Variants in IRAG1 observed in about 807,000 individuals in gnomAD.
The protein encoded by IRAG1 is inositol 1,4,5-triphosphate receptor associated 1, also known as IP3R-associated cGMP kinase substrate.
IRAG1 carries 62 observed loss-of-function variants against 106.2 expected under a neutral mutation model. The ratio of observed to expected loss-of-function variants is 0.58; its 90% CI spans 0.48 to 0.72. The LOEUF (loss-of-function observed/expected upper bound fraction) is 0.72. Among genes scored for constraint, IRAG1 ranks in the 30% least tolerant of loss-of-function variants. IRAG1 has a pLI of 0.00. For missense variants in IRAG1, 1,064 were observed against 1,140.7 expected (o/e 0.93, Z 0.97); for synonymous variants, 462 against 443.9 (o/e 1.04, Z -0.51).
intron 1 of IRAG1, among the ~76,000 whole-genome samples, chr11:10,676,058 C>A (rs1211438424): frequency 6.6e-6 from 1 of 152,244 alleles, no homozygotes; most frequent in Non-Finnish European, 1.5e-5. Context: ...GTTTGGGAAT[C>A]TCTCTGCCTA....
chr11:10,600,892 G>GAT, intron 15 of IRAG1, 26 bp downstream of exon 15: 1 of 1,613,506 alleles, frequency 6.2e-7, no homozygotes, highest in East Asian at 2.2e-5. Flanking sequence ...GTAGGGCCAA[G>GAT]ATGGGGCAGG....
intron 2 of IRAG1, among the ~76,000 whole-genome samples, chr11:10,634,991 T>C (rs568186543): frequency 6.6e-6 from 1 of 152,282 alleles, no homozygotes; most frequent in African/African-American, 2.4e-5. Context: ...CCACTATTCA[T>C]GCACTAAGAT....
At chr11:10,668,205 G>A (rs1247944766) in intron 1 of IRAG1, among the ~76,000 whole-genome samples, 1 of 152,082 alleles carries the variant, frequency 6.6e-6, no homozygotes, top group Non-Finnish European at 1.5e-5. Context: ...ATTTTAAATT[G>A]TTTAGTTGGA....
intron 15 of IRAG1, among the ~76,000 whole-genome samples, chr11:10,596,623 T>C (rs771379078): frequency 6.6e-6 from 1 of 152,240 alleles, no homozygotes; most frequent in African/African-American, 2.4e-5. Flanking sequence ...GCCTAATAAA[T>C]GTATTTGGGA....
chr11:10,671,645 G>A (rs943656861), intron 1 of IRAG1, among the ~76,000 whole-genome samples: 4 of 152,130 alleles, frequency 2.6e-5, no homozygotes, highest in African/African-American at 9.7e-5. Context: ...CCAGGAGGTG[G>A]AGGTTTCAGT....
At position 10,604,438 on chromosome 11, in the gene IRAG1, C is replaced by T. The variant is rs572487802; in HGVS notation, c.1710G>A (p.Glu570=). 13 of 1,614,056 alleles carry T rather than the reference C, an allele frequency of 8.1e-6. No individual in the cohort carries two copies. In the South Asian group the frequency reaches 1.3e-4, roughly 16 times the overall value. ...RERNLTEENT[E]KELENFKASI... ...AAGCTTTGAAGTTTTCCAGTTCTTTCTCAGTGTTCTCCTCTGTCAGGTTGC... is the reference window on the plus strand; with the variant it reads ...AAGCTTTGAAGTTTTCCAGTTCTTTTTCAGTGTTCTCCTCTGTCAGGTTGC... The change falls in exon 13 of 21, where the codon GAG becomes GAA. Residue 570 remains glutamate, a synonymous_variant. Transcript: ENST00000423302.
At chr11:10,687,847 G>A in intron 1 of IRAG1, 1 of 1,272,680 alleles carries the variant, frequency 7.9e-7, no homozygotes, top group Non-Finnish European at 1.0e-6. Flanking sequence ...AATAGACAGT[G>A]GGCTAAGGGA....
intron 18 of IRAG1, among the ~76,000 whole-genome samples, chr11:10,585,323 T>C (rs749407203): frequency 6.6e-6 from 1 of 152,110 alleles, no homozygotes; most frequent in African/African-American, 2.4e-5. Flanking sequence ...ATACATTCTC[T>C]CACTTGATCT....
intron 4 of IRAG1, among the ~76,000 whole-genome samples, chr11:10,631,496 C>T (rs973374908): frequency 2.0e-5 from 3 of 152,220 alleles, no homozygotes; most frequent in Non-Finnish European, 4.4e-5. Context: ...TCTTATCATA[C>T]AGTGTCCCAA....
intron 18 of IRAG1, among the ~76,000 whole-genome samples, 180 bp downstream of exon 18, chr11:10,591,368 G>C (rs937688942): frequency 6.6e-6 from 1 of 152,172 alleles, no homozygotes; most frequent in East Asian, 1.9e-4. Context: ...CATCTTCCTG[G>C]TTCAAGAATT....
chr11:10,654,309 T>C (rs1040098701), intron 1 of IRAG1, among the ~76,000 whole-genome samples: 1 of 152,234 alleles, frequency 6.6e-6, no homozygotes, highest in Non-Finnish European at 1.5e-5. Context: ...AGATTCATCC[T>C]AGGTACCCAA....
chr11:10,614,429 T>C (rs1163243673), intron 10 of IRAG1, among the ~76,000 whole-genome samples: 5 of 152,174 alleles, frequency 3.3e-5, no homozygotes, highest in South Asian at 2.1e-4. Context: ...CTTCACAGAA[T>C]TGGAAAAAAT....
chr11:10,573,445 G>GT lies in IRAG1; in HGVS notation c.*2886dup, dbSNP rs1850683015. ...CATCCTCACTGAAAATCCAGGGCCTGTTTCTCTCCAGTTCACTACCGCTTG... is the reference window on the plus strand; with the variant it reads ...CATCCTCACTGAAAATCCAGGGCCTGTTTTCTCTCCAGTTCACTACCGCTTG... On this transcript the variant is annotated 3_prime_UTR_variant, in exon 21 of 21. Transcript: ENST00000423302. 6.6e-6 allele frequency: 1 copy of GT among 152,312 alleles called. No individual in the cohort carries two copies. The highest frequency in any genetic ancestry group is 1.9e-4 in the East Asian group (1 of 5,196). 9.4% of individuals were successfully genotyped at this position (152,312 alleles called of 1,614,324 possible). A position where few individuals can be genotyped will look rare whatever the true frequency, so the allele number is the denominator to read the frequency against.
intron 2 of IRAG1, among the ~76,000 whole-genome samples, chr11:10,634,407 T>C (rs1175463676): frequency 6.6e-6 from 1 of 152,230 alleles, no homozygotes; most frequent in Non-Finnish European, 1.5e-5. Flanking sequence ...GTTACCTTTT[T>C]GTGTGGTGGA....
chr11:10,615,929 T>C (rs1041417031), intron 10 of IRAG1, among the ~76,000 whole-genome samples: 13 of 80,008 alleles, frequency 1.6e-4, no homozygotes, highest in African/African-American at 4.0e-4. Flanking sequence ...ACTTAAAGTA[T>C]AATAATAAAA....
chr11:10,646,929 A>T (rs1857998079), intron 2 of IRAG1, among the ~76,000 whole-genome samples: 1 of 152,066 alleles, frequency 6.6e-6, no homozygotes, highest in Non-Finnish European at 1.5e-5. Context: ...CACTCAAGTT[A>T]AAGTTGGGCT....
intron 13 of IRAG1, among the ~76,000 whole-genome samples, 158 bp from the exon 14 acceptor site, chr11:10,603,409 G>A (rs774658720): frequency 8.5e-5 from 13 of 152,158 alleles, no homozygotes; most frequent in Admixed American, 5.9e-4. Flanking sequence ...TTCCACCTCT[G>A]ATCATTAGAT....
At chr11:10,687,815 C>G (rs1261504196) in intron 1 of IRAG1, 2 of 1,288,322 alleles carry the variant, frequency 1.6e-6, no homozygotes, top group East Asian at 5.6e-5. Flanking sequence ...ATAATAAGAC[C>G]TAATGTATAC....
intron 1 of IRAG1, chr11:10,690,454 G>T: frequency 7.9e-7 from 1 of 1,266,706 alleles, no homozygotes; most frequent in Middle Eastern, 2.2e-4. Flanking sequence ...AGAGAAGGCA[G>T]GGCTTGTCCA....
Sources: allele counts gnomAD v4.1 joint callset (sites outside exome capture counted in the v4.1 genomes callset), GRCh38; gene constraint gnomAD v4.1.1; transcripts MANE v1.5; gene names NCBI Gene and HGNC (gene_info 2026-07-23, HGNC 2026-07-21).